The following XYLT1 variants were observed in gnomAD, a reference collection of about 807,000 sequenced individuals.
XYLT1 encodes beta-D-xylosyltransferase 1.
XYLT1 carries 36 observed loss-of-function variants against 91.3 expected under a neutral mutation model. That is an observed-to-expected ratio of 0.39 (90% CI 0.30 to 0.52). XYLT1 has a LOEUF of 0.52. Ranked by LOEUF, XYLT1 falls within the 20% of genes least tolerant of loss-of-function variation. XYLT1 has a pLI of 0.68. For synonymous variants in XYLT1, 588 were observed against 532.0 expected, an observed-to-expected ratio of 1.11 and a Z score of -1.45; for missense variants, 1,242 against 1,284.5, an observed-to-expected ratio of 0.97 and a Z score of 0.51.
Position 17,470,459 on chromosome 16 carries a change from C to A in XYLT1, c.338G>T (p.Arg113Leu). 1 of 1,231,748 alleles carries A rather than the reference C, an allele frequency of 8.1e-7. No homozygotes were observed. The highest frequency in any genetic ancestry group is 1.6e-5 in the African/African-American group (1 of 64,326). The allele number at this position is 1,231,748 out of a possible 1,614,324, so 76.3% of individuals were successfully genotyped here. The change falls in exon 1 of 12, where the codon CGG (arginine) becomes CTG (leucine). Residue 113 changes from arginine to leucine, a missense_variant. Around this residue, in one of 3 missense-constraint regions of XYLT1, gnomAD observed 437 missense variants for 411.5 expected, o/e 1.06. Transcript: ENST00000261381. ...CAGAGCCCGGGCGGGCAGTGCCCCC[C>A]GGCTGGCCGGCTGCTGTCCCCGCGG... is the stretch of plus-strand genomic sequence containing the variant. The part of the protein sequence containing the change: ...GEPRGQQPAS[R>L]GALPARALDP...
At chr16:17,137,439 A>G (rs1466452919) in intron 8 of XYLT1, 1 of 152,216 alleles carries the variant, frequency 6.6e-6, no homozygotes, top group African/African-American at 2.4e-5. Flanking sequence ...TACCGTCTCT[A>G]CACGGTGGCT....
At chr16:17,138,627 A>G in intron 7 of XYLT1, 96 bp from the exon 8 acceptor site, 1 of 1,431,186 alleles carries the variant, frequency 7.0e-7, no homozygotes, top group South Asian at 1.3e-5. Context: ...GAGTTCATGT[A>G]AGAACTGGTT....
At chr16:17,393,760 T>G (rs1355698362) in intron 1 of XYLT1, among the ~76,000 whole-genome samples, 1 of 149,304 alleles carries the variant, frequency 6.7e-6, no homozygotes, top group Non-Finnish European at 1.5e-5. Flanking sequence ...AAGAATTAAT[T>G]AATTAATTAT....
intron 11 of XYLT1, among the ~76,000 whole-genome samples, chr16:17,109,409 A>G (rs1966823633): frequency 6.6e-6 from 1 of 152,212 alleles, no homozygotes; most frequent in Admixed American, 6.5e-5. Context: ...TTAAGTACCT[A>G]TTAGGTACCA....
At chr16:17,109,777 C>T (rs963548360) in intron 11 of XYLT1, among the ~76,000 whole-genome samples, 5 of 152,164 alleles carry the variant, frequency 3.3e-5, no homozygotes, top group African/African-American at 1.2e-4. Flanking sequence ...TTGCTGACTC[C>T]TGGGTTGGAG....
chr16:17,399,004 C>T (rs562804864), intron 1 of XYLT1, among the ~76,000 whole-genome samples: 3 of 152,148 alleles, frequency 2.0e-5, no homozygotes, highest in Non-Finnish European at 4.4e-5. Context: ...GCCGCCACAC[C>T]TGGCTAATTA....
At chr16:17,263,495 G>A (rs1382903013) in intron 2 of XYLT1, among the ~76,000 whole-genome samples, 2 of 151,730 alleles carry the variant, frequency 1.3e-5, no homozygotes, top group Non-Finnish European at 2.9e-5. Flanking sequence ...AGCTGCCATG[G>A]GAACCCAAAA....
intron 2 of XYLT1, among the ~76,000 whole-genome samples, chr16:17,318,790 C>CTTTTTTTT (rs58376375): frequency 1.4e-5 from 2 of 142,642 alleles, no homozygotes. Context: ...TCTGCTTACT[C>CTTTTTTTT]TTTTTTTTTT....
At chr16:17,304,949 C>T (rs1377199485) in intron 2 of XYLT1, among the ~76,000 whole-genome samples, 1 of 152,020 alleles carries the variant, frequency 6.6e-6, no homozygotes, top group Admixed American at 6.6e-5. Flanking sequence ...AGCTGTAGGC[C>T]CAGAAAGAAA....
rs747151028 is a variant in XYLT1 at position 17,259,356 on chromosome 16, G to A, written c.545C>T (p.Ala182Val). ...TQKQKHQPEL[A>V]KKPPSRQKEL... ...CTTCTGTCTACTCGGTGGCTTCTTCGCCAACTCAGGCTGGTGCTTCTGCTT... is the reference window on the plus strand; with the variant it reads ...CTTCTGTCTACTCGGTGGCTTCTTCACCAACTCAGGCTGGTGCTTCTGCTT... The change falls in exon 3 of 12, where the codon GCG becomes GTG. Residue 182 changes from alanine to valine, a missense_variant. By Grantham distance (64) the Ala-to-Val change is moderately conservative. Coordinates refer to ENST00000261381, the MANE Select transcript of XYLT1 (RefSeq NM_022166.4). 35 of 1,614,006 alleles carry A rather than the reference G, an allele frequency of 2.2e-5. No individual in the cohort carries two copies. In the Middle Eastern group the frequency reaches 6.6e-4, roughly 30 times the overall value.
rs1597123307 is a variant in XYLT1, at chr16:17,107,307, T to A, written c.*1388A>T. 2 of 151,850 alleles carry A rather than the reference T, an allele frequency of 1.3e-5. No individual in the cohort carries two copies. Among genetic ancestry groups the A allele is most frequent in the South Asian group, 4.2e-4 (2 of 4,804 alleles). The allele number at this position is 151,850 out of a possible 1,614,324, so 9.4% of individuals were successfully genotyped here. On this transcript the variant is annotated 3_prime_UTR_variant, in exon 12 of 12. Transcript: ENST00000261381. The stretch of plus-strand genomic sequence containing the variant: ...GGGAAGGGCAGATGGCTACCAGGGG[T>A]GAGACCTTTTTCCAAGGGAATCCCA...
intron 2 of XYLT1, among the ~76,000 whole-genome samples, chr16:17,316,342 C>A (rs1422599823): frequency 1.3e-5 from 2 of 152,112 alleles, no homozygotes; most frequent in South Asian, 2.1e-4. Flanking sequence ...CCCCTCCATG[C>A]AGATTTGGGG....
intron 1 of XYLT1, among the ~76,000 whole-genome samples, chr16:17,465,639 A>C (rs115136440): frequency 6.6e-6 from 1 of 152,032 alleles, no homozygotes; most frequent in South Asian, 2.1e-4. Context: ...GCACTCAATA[A>C]ATGTCAGTAC....
At chr16:17,313,033 TGGCCACAG>T (rs2034573958) in intron 2 of XYLT1, among the ~76,000 whole-genome samples, 5 of 152,196 alleles carry the variant, frequency 3.3e-5, no homozygotes, top group Admixed American at 1.3e-4. Flanking sequence ...CCCAGGGCCA[TGGCCACAG>T]ATCCCCAGCC....
At chr16:17,419,167 G>A (rs1268095240) in intron 1 of XYLT1, among the ~76,000 whole-genome samples, 1 of 151,442 alleles carries the variant, frequency 6.6e-6, no homozygotes, top group African/African-American at 2.4e-5. Flanking sequence ...TTTGATTTGA[G>A]TATGGAATGA....
chr16:17,467,924 G>C (rs895953693), intron 1 of XYLT1, among the ~76,000 whole-genome samples: 54 of 151,820 alleles, frequency 3.6e-4, no homozygotes, highest in Admixed American at 1.9e-3. Context: ...CTCTCTACAA[G>C]AGCCATCTGG....
At chr16:17,123,356 C>A (rs2030140614) in intron 10 of XYLT1, among the ~76,000 whole-genome samples, 1 of 152,142 alleles carries the variant, frequency 6.6e-6, no homozygotes, top group Non-Finnish European at 1.5e-5. Flanking sequence ...TCTATTTGGG[C>A]TCTTTCAGAC....
At chr16:17,215,819 C>A (rs1454190240) in intron 3 of XYLT1, among the ~76,000 whole-genome samples, 1 of 151,938 alleles carries the variant, frequency 6.6e-6, no homozygotes, top group African/African-American at 2.4e-5. Flanking sequence ...GGAACTGAGG[C>A]CAAGAGGAAG....
At chr16:17,326,769 G>A (rs111717637) in intron 2 of XYLT1, among the ~76,000 whole-genome samples, 22,208 of 151,438 alleles carry the variant, frequency 0.15, 1,947 homozygotes, top group African/African-American at 0.25. Flanking sequence ...AGCTTGCAGT[G>A]AGCCGAGATC....
Sources: gnomAD v4.1 joint callset for allele counts (sites outside exome capture counted in the v4.1 genomes callset) on GRCh38, gnomAD v4.1.1 for gene constraint, gnomAD v4.1.1 regional missense constraint, MANE v1.5 for transcripts, NCBI Gene and HGNC (gene_info 2026-07-23, HGNC 2026-07-21) for gene names.